MGAT5: variants seen among roughly 807,000 people sequenced by gnomAD.
The protein encoded by MGAT5 is alpha-1,6-mannosylglycoprotein 6-beta-N-acetylglucosaminyltransferase A.
In MGAT5, 30 loss-of-function variants were observed where a neutral mutation model predicts 94.3. The ratio of observed to expected loss-of-function variants is 0.32; its 90% CI spans 0.24 to 0.43. The LOEUF is 0.43. MGAT5 is among the 20% of genes least tolerant of loss of function. The probability of loss-of-function intolerance (pLI) is 1.00; values close to 1 mark genes in which losing one functional copy is unlikely to be tolerated. For missense variants in MGAT5, 691 were observed against 905.5 expected (o/e 0.76, Z 3.04); for synonymous variants, 310 against 322.9 (o/e 0.96, Z 0.43).
chr2:134,388,328 C>T lies in MGAT5; in HGVS notation c.1381-14660C>T, dbSNP rs112751488. 4.4e-4 allele frequency among the ~76,000 whole-genome samples: 67 copies of T among 152,226 alleles called. 1 individual carries two copies. The highest frequency in any genetic ancestry group is 1.5e-3 in the African/African-American group (63 of 41,536). On this transcript the variant is annotated intron_variant, in intron 10 of 15. Coordinates refer to ENST00000281923, the MANE Select transcript of MGAT5 (RefSeq NM_002410.5). ...AACTCACAGCCAGTCATGTTTCCTC[C>T]TTATCTGCCCTCCGCCCCCAGAATA...
intron 1 of MGAT5, among the ~76,000 whole-genome samples, chr2:134,190,839 G>A (rs1689335025): frequency 6.6e-6 from 1 of 152,070 alleles, no homozygotes; most frequent in South Asian, 2.1e-4. Flanking sequence ...AATAGAGATG[G>A]GGTTTTGCCA....
intron 12 of MGAT5, among the ~76,000 whole-genome samples, chr2:134,416,002 T>A (rs1206047923): frequency 6.6e-6 from 1 of 152,224 alleles, no homozygotes; most frequent in African/African-American, 2.4e-5. Context: ...AAATTAGCTC[T>A]AGGAAATCTC....
rs553577646 is a variant in MGAT5, at chr2:134,423,666, G to A, written c.1794+747G>A. Among the ~76,000 whole-genome samples the A allele has an allele frequency of 7.2e-5, 11 of 152,310 alleles. No individual in the cohort carries two copies. The South Asian group carries it at 2.3e-3, about 32-fold the overall frequency. ...GAGAAGCCGGGGTAGGCATGTGGGA[G>A]GGCAGGCTGGACGCACACAGTGTGG... On this transcript the variant is annotated intron_variant, in intron 13 of 15. Transcript: ENST00000281923.
intron 1 of MGAT5, among the ~76,000 whole-genome samples, chr2:134,189,602 G>GTTTTTTTTTTGTTTTTTTTTTTTTTTTT (rs1689241661): frequency 1.2e-5 from 1 of 84,672 alleles, no homozygotes; most frequent in Non-Finnish European, 2.3e-5. Flanking sequence ...GTTTTTTTTT[G>GTTTTTTTTTTGTTTTTTTTTTTTTTTTT]TTTTTTTTTT....
intron 10 of MGAT5, among the ~76,000 whole-genome samples, chr2:134,390,802 C>T (rs1022132125): frequency 6.6e-6 from 1 of 151,980 alleles, no homozygotes; most frequent in African/African-American, 2.4e-5. Context: ...ATAGTTGCTG[C>T]AGAGTTCCTT....
In MGAT5 at chr2:134,270,498, C is replaced by T. The variant is rs116123889; in HGVS notation, c.354C>T (p.Asn118=). 1,735 of 1,614,194 alleles carry T rather than the reference C, an allele frequency of 1.1e-3. 18 individuals are homozygous for T. In the African/African-American group the frequency reaches 0.021, roughly 20 times the overall value. ...ATGGCACCGGAACAAACTCAACCAA[C>T]TCCACTACAGCTGTTCCCAGCTTGG... ...VVNGTGTNST[N]STTAVPSLVA... The change falls in exon 2 of 16, where the codon AAC becomes AAT. Residue 118 remains asparagine, a synonymous_variant. Transcript: ENST00000281923.
rs565447196 is a variant in MGAT5, at chr2:134,429,415, G to A, written c.1869+976G>A. On this transcript the variant is annotated intron_variant, in intron 14 of 15. Transcript: ENST00000281923. ...GCTTTTGTTAGCAGCAAGAGAGCGC[G>A]CTCTGCAGCCAGGCCATGTGGGTTT... Among the ~76,000 whole-genome samples the A allele has an allele frequency of 3.9e-5, 6 of 152,300 alleles. No individual in the cohort carries two copies. The East Asian group carries it at 5.8e-4, about 15-fold the overall frequency.
chr2:134,302,710 GA>G (rs1314340248), intron 2 of MGAT5, among the ~76,000 whole-genome samples: 1 of 142,760 alleles, frequency 7.0e-6, no homozygotes, highest in African/African-American at 2.6e-5. Context: ...CAGCATTTAA[GA>G]AATGCTGTGT....
chr2:134,148,181 A>C (rs954457604), intron 1 of MGAT5, among the ~76,000 whole-genome samples: 1 of 152,250 alleles, frequency 6.6e-6, no homozygotes, highest in African/African-American at 2.4e-5. Flanking sequence ...CACGGGCTTC[A>C]TCAGATTGCT....
intron 11 of MGAT5, among the ~76,000 whole-genome samples, chr2:134,404,743 A>G (rs1198930294): frequency 6.6e-6 from 1 of 152,240 alleles, no homozygotes; most frequent in Admixed American, 6.5e-5. Context: ...CTTATTGGCC[A>G]AAGACCTGGT....
intron 1 of MGAT5, among the ~76,000 whole-genome samples, chr2:134,234,503 C>G (rs1378239877): frequency 6.6e-6 from 1 of 152,242 alleles, no homozygotes; most frequent in Non-Finnish European, 1.5e-5. Flanking sequence ...CAATGTGGCT[C>G]TGTCCTTCAA....
At chr2:134,275,296 T>C (rs1012346996) in intron 2 of MGAT5, among the ~76,000 whole-genome samples, 6 of 152,232 alleles carry the variant, frequency 3.9e-5, no homozygotes, top group African/African-American at 1.4e-4. Context: ...TTCTGTTTTG[T>C]TATTTGCAAT....
intron 1 of MGAT5, among the ~76,000 whole-genome samples, chr2:134,132,959 G>GC (rs144162330): frequency 6.6e-5 from 10 of 152,230 alleles, no homozygotes; most frequent in Non-Finnish European, 5.9e-5. Flanking sequence ...GTAGTGTTAT[G>GC]CCCCCCCTTC....
chr2:134,135,690 CAAAAAAA>C lies in MGAT5; in HGVS notation c.-143+15417_-143+15423del, dbSNP rs59026836. Among the ~76,000 whole-genome samples, 40 of 41,706 alleles carry C rather than the reference CAAAAAAA, an allele frequency of 9.6e-4. No homozygotes were observed. In the South Asian group the frequency reaches 0.02, roughly 21 times the overall value. 27.4% of individuals were successfully genotyped at this position (41,706 alleles called of 152,430 possible). ...CTGGCAACAGAGTGAGACTCCATCT[CAAAAAAA>C]AAAAAAAAAAAAAAAAAGAAACCTT... On this transcript the variant is annotated intron_variant, in intron 1 of 16. Coordinates refer to the MGAT5 transcript ENST00000409645.
At chr2:134,195,821 T>C (rs1399814395) in intron 1 of MGAT5, among the ~76,000 whole-genome samples, 1 of 152,232 alleles carries the variant, frequency 6.6e-6, no homozygotes, top group Admixed American at 6.5e-5. Context: ...GGATTTTATT[T>C]GTGACAATTG....
At chr2:134,312,966 G>C (rs959015895) in intron 2 of MGAT5, among the ~76,000 whole-genome samples, 1 of 150,836 alleles carries the variant, frequency 6.6e-6, no homozygotes, top group African/African-American at 2.4e-5. Flanking sequence ...TGAGACCGCC[G>C]TACCAACTTC....
At chr2:134,140,367 T>C (rs181703947) in intron 1 of MGAT5, among the ~76,000 whole-genome samples, 2 of 152,344 alleles carry the variant, frequency 1.3e-5, no homozygotes, top group Non-Finnish European at 2.9e-5. Context: ...ACAAGTCTGC[T>C]TAGAATGGGG....
intron 14 of MGAT5, among the ~76,000 whole-genome samples, chr2:134,432,571 G>A (rs1334894113): frequency 6.6e-6 from 1 of 152,194 alleles, no homozygotes; most frequent in South Asian, 2.1e-4. Context: ...CTTGAGGAAT[G>A]TTTACTCTTG....
intron 1 of MGAT5, among the ~76,000 whole-genome samples, chr2:134,144,299 C>T (rs1686803563): frequency 6.6e-6 from 1 of 152,202 alleles, no homozygotes; most frequent in South Asian, 2.1e-4. Context: ...AACTCACCAT[C>T]ATGGCAGAAG....
Sources: allele counts gnomAD v4.1 joint callset (sites outside exome capture counted in the v4.1 genomes callset), GRCh38; gene constraint gnomAD v4.1.1; transcripts MANE v1.5; gene names NCBI Gene and HGNC (gene_info 2026-07-23, HGNC 2026-07-21).